ATRNL1: variants seen among roughly 807,000 people sequenced by gnomAD.
ATRNL1 encodes the protein attractin like 1.
A neutral mutation model predicts 182.7 loss-of-function variants in ATRNL1; 95 were observed. The observed-to-expected ratio is 0.52, with a 90% confidence interval of 0.44 to 0.62. The LOEUF (loss-of-function observed/expected upper bound fraction) is 0.62, where lower values mean the gene tolerates loss of function less well. Among genes scored for constraint, ATRNL1 ranks in the 20% least tolerant of loss-of-function variants. ATRNL1 has a pLI of 0.00. For missense variants in ATRNL1, 1,471 were observed against 1,679.5 expected (o/e 0.88, Z 2.17); for synonymous variants, 576 against 568.3 (o/e 1.01, Z -0.19).
intron 27 of ATRNL1, among the ~76,000 whole-genome samples, chr10:115,786,001 C>T (rs887205438): frequency 1.1e-4 from 16 of 152,080 alleles, no homozygotes; most frequent in African/African-American, 1.4e-4. Context: ...TCAGAGGCAC[C>T]GCTAATGTTC....
chr10:115,165,560 A>G lies in ATRNL1; in HGVS notation c.1007A>G (p.Tyr336Cys), dbSNP rs782377269. ...TTATTTTCTTTTCTTGCTTTTAGTTACAATTTAGAAAGCAGTATATGGAAT... is the reference window on the plus strand; with the variant it reads ...TTATTTTCTTTTCTTGCTTTTAGTTGCAATTTAGAAAGCAGTATATGGAAT... ...NYSSFQMVLN[Y>C]NLESSIWNVG... Residue 336 changes from tyrosine to cysteine, a missense_variant and splice_region_variant, in exon 7 of 29, where the codon TAC becomes TGC. By Grantham distance (194) the Tyr-to-Cys change is radical. Transcript: ENST00000355044. The G allele has an allele frequency of 2.7e-6, 4 of 1,466,940 alleles. No individual in the cohort carries two copies. The highest frequency in any genetic ancestry group is 3.1e-5 in the South Asian group (2 of 65,244). 90.9% of individuals were successfully genotyped at this position (1,466,940 alleles called of 1,614,324 possible).
chr10:115,472,547 C>A lies in ATRNL1; in HGVS notation c.3654+3218C>A, dbSNP rs189039164. Among the ~76,000 whole-genome samples the A allele has an allele frequency of 9.9e-3, 1,490 of 150,960 alleles. 31 individuals carry two copies. The highest frequency in any genetic ancestry group is 0.035 in the African/African-American group (1,434 of 41,392). ...TCAATGCTTTATAATTTTCAGTGTA[C>A]AGGCCTTTCATTTCCTTGGTTAAAC... On this transcript the variant is annotated intron_variant, in intron 24 of 28. Transcript: ENST00000355044.
At chr10:115,282,295 A>G (rs1852404845) in intron 14 of ATRNL1, among the ~76,000 whole-genome samples, 1 of 149,628 alleles carries the variant, frequency 6.7e-6, no homozygotes, top group African/African-American at 2.4e-5. Flanking sequence ...TTTAGGGTAC[A>G]TGTGCACAAT....
chr10:115,375,521 G>A (rs1857623819), intron 19 of ATRNL1, among the ~76,000 whole-genome samples: 2 of 151,940 alleles, frequency 1.3e-5, no homozygotes, highest in Non-Finnish European at 2.9e-5. Context: ...TTTGGTGATT[G>A]TTTTGTAGTT....
At chr10:115,223,913 G>GTATATATATATATATATA (rs782380839) in intron 9 of ATRNL1, among the ~76,000 whole-genome samples, 10 of 55,938 alleles carry the variant, frequency 1.8e-4, no homozygotes, top group African/African-American at 6.7e-4. Flanking sequence ...GTGTGTGTGT[G>GTATATATATATATATATA]TATATATATA....
At chr10:115,390,781 A>G (rs1206295087) in intron 19 of ATRNL1, among the ~76,000 whole-genome samples, 1 of 152,176 alleles carries the variant, frequency 6.6e-6, no homozygotes, top group East Asian at 1.9e-4. Context: ...ATCCCAATCC[A>G]TGAACATGGG....
chr10:115,537,403 A>G (rs1554990832), intron 25 of ATRNL1, among the ~76,000 whole-genome samples: 1 of 152,220 alleles, frequency 6.6e-6, no homozygotes, highest in East Asian at 1.9e-4. Context: ...TCTGTAGCTC[A>G]GTTATAGGTA....
intron 22 of ATRNL1, among the ~76,000 whole-genome samples, chr10:115,462,502 C>G (rs575869502): frequency 1.5e-3 from 234 of 152,112 alleles, no homozygotes; most frequent in African/African-American, 5.5e-3. Flanking sequence ...GTCCCAGCTA[C>G]TGAGGAGGCT....
chr10:115,431,528 C>T (rs1057130830), intron 21 of ATRNL1, among the ~76,000 whole-genome samples: 2 of 151,810 alleles, frequency 1.3e-5, no homozygotes, highest in South Asian at 2.1e-4. Context: ...TGCTACAGTT[C>T]GCATAGGGAA....
intron 28 of ATRNL1, among the ~76,000 whole-genome samples, chr10:115,872,701 A>T (rs969617339): frequency 1.4e-4 from 21 of 152,184 alleles, no homozygotes; most frequent in African/African-American, 4.1e-4. Flanking sequence ...AAACTAATTG[A>T]AATAAAGTGA....
chr10:115,542,524 G>T (rs1451892665), intron 25 of ATRNL1, among the ~76,000 whole-genome samples: 1 of 152,062 alleles, frequency 6.6e-6, no homozygotes, highest in Non-Finnish European at 1.5e-5. Flanking sequence ...ACAAGCCTTG[G>T]AACTGCTGCG....
chr10:115,539,480 A>T (rs11197281), intron 25 of ATRNL1, among the ~76,000 whole-genome samples: 90,354 of 152,036 alleles, frequency 0.59, 28,610 homozygotes, highest in Non-Finnish European at 0.73. Context: ...CTGGTGAACC[A>T]TCTAGAAGTT....
At chr10:115,253,240 A>G (rs1291493906) in intron 10 of ATRNL1, among the ~76,000 whole-genome samples, 1 of 152,198 alleles carries the variant, frequency 6.6e-6, no homozygotes, top group Non-Finnish European at 1.5e-5. Flanking sequence ...AACCTTAGTC[A>G]ACCCTGTAAG....
intron 25 of ATRNL1, among the ~76,000 whole-genome samples, chr10:115,533,511 TG>T (rs1239999753): frequency 6.6e-6 from 1 of 152,146 alleles, no homozygotes. Flanking sequence ...TTATTAGTCT[TG>T]CTAGCTGTCT....
chr10:115,483,190 A>T (rs1352301689), intron 24 of ATRNL1, among the ~76,000 whole-genome samples: 1 of 151,478 alleles, frequency 6.6e-6, no homozygotes, highest in East Asian at 1.9e-4. Context: ...TACAAGTCAG[A>T]TATGAAATTA....
intron 26 of ATRNL1, among the ~76,000 whole-genome samples, chr10:115,638,836 A>G (rs1859054284): frequency 6.6e-6 from 1 of 152,212 alleles, no homozygotes; most frequent in Admixed American, 6.5e-5. Flanking sequence ...GAAATTGCGG[A>G]TAAAACAATA....
chr10:115,742,719 A>G (rs564266255), intron 27 of ATRNL1, among the ~76,000 whole-genome samples: 1 of 152,104 alleles, frequency 6.6e-6, no homozygotes, highest in East Asian at 1.9e-4. Flanking sequence ...CTGTTACATT[A>G]TCTTCCTTAC....
intron 21 of ATRNL1, among the ~76,000 whole-genome samples, chr10:115,432,539 G>T (rs1442968558): frequency 6.6e-6 from 1 of 152,146 alleles, no homozygotes; most frequent in Non-Finnish European, 1.5e-5. Context: ...CGAAATTTAA[G>T]ATGCAAGTCC....
At chr10:115,278,297 G>A (rs1554915572) in intron 13 of ATRNL1, among the ~76,000 whole-genome samples, 2 of 152,188 alleles carry the variant, frequency 1.3e-5, no homozygotes, top group Non-Finnish European at 2.9e-5. Context: ...AAGAACAATA[G>A]TTTAACTTGT....
Sources: gnomAD v4.1 joint callset for allele counts (sites outside exome capture counted in the v4.1 genomes callset) on GRCh38, gnomAD v4.1.1 for gene constraint, MANE v1.5 for transcripts, NCBI Gene and HGNC (gene_info 2026-07-23, HGNC 2026-07-21) for gene names.